The following PUDP variants were observed in gnomAD, a reference collection of about 807,000 sequenced individuals.
PUDP encodes pseudouridine 5'-phosphatase, also known as pseudouridine-5'-phosphatase.
Under a neutral mutation model 9.4 loss-of-function variants are expected in PUDP, and 8 were observed. The ratio of observed to expected loss-of-function variants is 0.85; its 90% CI spans 0.50 to 1.53. The LOEUF (loss-of-function observed/expected upper bound fraction) is 1.53. PUDP is among the 40% of genes most tolerant of loss of function. The pLI, the probability that PUDP is intolerant of heterozygous loss-of-function variation, is 0.00. For synonymous variants in PUDP, 99 were observed against 80.7 expected, an observed-to-expected ratio of 1.23 and a Z score of -1.22; for missense variants, 188 against 189.7, an observed-to-expected ratio of 0.99 and a Z score of 0.05.
chrX:6,827,646 T>C (rs1318860460), intron 3 of PUDP, among the ~76,000 whole-genome samples: 2 of 111,835 alleles, frequency 1.8e-5, no homozygotes, highest in Non-Finnish European at 3.8e-5. Flanking sequence ...TTGTGCAGAA[T>C]TTTGTCAACA....
At chrX:6,723,052 C>T (rs1924691707), upstream of PUDP, among the ~76,000 whole-genome samples, 1 of 110,519 alleles carries the variant, frequency 9.0e-6, no homozygotes, top group Admixed American at 9.7e-5. Context: ...ATTTCATACA[C>T]ACAAACAAAA....
upstream of PUDP, among the ~76,000 whole-genome samples, chrX:6,721,904 C>T (rs778236902): frequency 6.3e-5 from 7 of 111,338 alleles, no homozygotes. Context: ...GGGAAATCTC[C>T]TAGTAAATAT....
chrX:6,722,081 G>T (rs1411893221), upstream of PUDP, among the ~76,000 whole-genome samples: 1 of 110,318 alleles, frequency 9.1e-6, no homozygotes. Context: ...TGTAGAAATG[G>T]GGGGAGAGGG....
At chrX:7,136,959 TAA>T (rs1297293696) in intron 1 of PUDP, among the ~76,000 whole-genome samples, 1 of 111,903 alleles carries the variant, frequency 8.9e-6, no homozygotes, top group Non-Finnish European at 1.9e-5. Flanking sequence ...TCTGAAACAT[TAA>T]GTTTACTTTT....
At chrX:7,018,742 T>C (rs1229983503) in intron 1 of PUDP, among the ~76,000 whole-genome samples, 22 of 111,951 alleles carry the variant, frequency 2.0e-4, no homozygotes, top group African/African-American at 4.9e-4. Flanking sequence ...GTGTTGTATC[T>C]GTCAGAGGCA....
At chrX:7,054,758 G>A (rs12556562) in intron 3 of PUDP, among the ~76,000 whole-genome samples, 27,395 of 110,935 alleles carry the variant, frequency 0.25, 2,645 homozygotes, top group Admixed American at 0.41. Context: ...ACCTTTCCCC[G>A]ACATTTGCCG....
chrX:6,846,741 CTGAG>C (rs1472464726), intron 3 of PUDP, among the ~76,000 whole-genome samples: 1 of 111,547 alleles, frequency 9.0e-6, no homozygotes, highest in African/African-American at 3.3e-5. Flanking sequence ...CTAACAACTA[CTGAG>C]TATTTTATAT....
chrX:7,107,890 T>C (rs1357119879), intron 1 of PUDP, among the ~76,000 whole-genome samples: 1 of 112,541 alleles, frequency 8.9e-6, no homozygotes, highest in African/African-American at 3.2e-5. Context: ...CAGATAGGCA[T>C]GCAGAGAGCT....
chrX:6,720,258 G>GTTTATATATATA, intron 1 of PUDP, among the ~76,000 whole-genome samples: 1 of 48,801 alleles, frequency 2.0e-5, no homozygotes, highest in Non-Finnish European at 3.4e-5. Flanking sequence ...GTGTGTGTGT[G>GTTTATATATATA]TATATATATA....
At chrX:6,719,704 T>C (rs1924638906) in intron 1 of PUDP, among the ~76,000 whole-genome samples, 1 of 112,105 alleles carries the variant, frequency 8.9e-6, no homozygotes, top group Admixed American at 9.5e-5. Flanking sequence ...CCAGATTTTC[T>C]GGGAGAAAGA....
chrX:6,967,646 G>T (rs918565323), intron 3 of PUDP, among the ~76,000 whole-genome samples: 7 of 111,346 alleles, frequency 6.3e-5, no homozygotes, highest in Non-Finnish European at 1.1e-4. Flanking sequence ...CCTTGGAAGC[G>T]AACTTCTCTC....
At chrX:6,754,542 TATC>T (rs1925147449) in intron 3 of PUDP, among the ~76,000 whole-genome samples, 1 of 109,907 alleles carries the variant, frequency 9.1e-6, no homozygotes, top group South Asian at 3.7e-4. Context: ...TTATAAATTA[TATC>T]ATTATATATA....
At chrX:7,022,521 C>T (rs187966306) in intron 1 of PUDP, among the ~76,000 whole-genome samples, 10 of 111,291 alleles carry the variant, frequency 9.0e-5, no homozygotes, top group East Asian at 2.9e-4. Context: ...GTCAATAAGG[C>T]GATGGGAGCA....
At chrX:6,819,715 T>C (rs1926307993) in intron 3 of PUDP, among the ~76,000 whole-genome samples, 1 of 112,161 alleles carries the variant, frequency 8.9e-6, no homozygotes, top group African/African-American at 3.2e-5. Flanking sequence ...AGTCTTTTCA[T>C]TTTTGTAAAA....
chrX:6,847,770 T>A (rs1926770602), intron 3 of PUDP, among the ~76,000 whole-genome samples: 1 of 112,223 alleles, frequency 8.9e-6, no homozygotes, highest in African/African-American at 3.2e-5. Flanking sequence ...TCTCTGTGAA[T>A]CAGCTGGCAT....
intron 1 of PUDP, among the ~76,000 whole-genome samples, chrX:7,024,155 T>C (rs1764205805): frequency 8.9e-6 from 1 of 112,081 alleles, no homozygotes; most frequent in African/African-American, 3.2e-5. Context: ...TTACCACCTC[T>C]TTTCTAATCT....
At chrX:7,028,459 C>T (rs1929748743) in intron 1 of PUDP, among the ~76,000 whole-genome samples, 1 of 111,479 alleles carries the variant, frequency 9.0e-6, no homozygotes, top group South Asian at 3.8e-4. Context: ...GAGGCCCCGA[C>T]TCATCCAGGG....
At chrX:7,121,052 CTG>C (rs1932329869) in intron 1 of PUDP, among the ~76,000 whole-genome samples, 2 of 111,810 alleles carry the variant, frequency 1.8e-5, no homozygotes. Context: ...GGTGTGGGAA[CTG>C]TGTCACGGTA....
intron 1 of PUDP, among the ~76,000 whole-genome samples, chrX:7,136,224 G>A (rs1367684184): frequency 8.9e-6 from 1 of 111,824 alleles, no homozygotes; most frequent in Non-Finnish European, 1.9e-5. Context: ...ACTGCTAGAG[G>A]TCCAGATGGA....
Sources: allele counts gnomAD v4.1 joint callset (sites outside exome capture counted in the v4.1 genomes callset), GRCh38; gene constraint gnomAD v4.1.1; transcripts MANE v1.5; gene names NCBI Gene and HGNC (gene_info 2026-07-23, HGNC 2026-07-21).